The following HGD variants were observed in gnomAD, a reference collection of about 807,000 sequenced individuals.
HGD encodes the protein homogentisate 1,2-dioxygenase.
In HGD, 61 loss-of-function variants were observed where a neutral mutation model predicts 60.8. That is an observed-to-expected ratio of 1.00 (90% confidence interval 0.82 to 1.24). The LOEUF (loss-of-function observed/expected upper bound fraction) is 1.24. Ranked by LOEUF, HGD falls within the 50% of genes most tolerant of loss-of-function variation. The pLI is 0.00. For missense variants in HGD, 542 were observed against 547.1 expected (o/e 0.99, Z 0.09); for synonymous variants, 212 against 187.7 (o/e 1.13, Z -1.06).
intron 5 of HGD, among the ~76,000 whole-genome samples, chr3:120,651,536 C>T (rs867560938): frequency 6.6e-6 from 1 of 152,184 alleles, no homozygotes; most frequent in Non-Finnish European, 1.5e-5. Flanking sequence ...TGTATTTTAA[C>T]TCAATTTGTA....
At chr3:120,647,787 A>T in intron 7 of HGD, 90 bp downstream of exon 7, 2 of 1,031,362 alleles carry the variant, frequency 1.9e-6, no homozygotes, top group Non-Finnish European at 3.1e-6. Context: ...AGATTGGAGA[A>T]TGAAGGAAAA....
chr3:120,652,007 C>T (rs577385552), intron 5 of HGD, among the ~76,000 whole-genome samples: 3 of 152,154 alleles, frequency 2.0e-5, no homozygotes, highest in Admixed American at 6.5e-5. Context: ...ATTAGAGGTG[C>T]CTGTAACTTT....
At chr3:120,669,383 G>A (rs984793454) in intron 4 of HGD, among the ~76,000 whole-genome samples, 12 of 151,408 alleles carry the variant, frequency 7.9e-5, no homozygotes, top group Non-Finnish European at 1.8e-4. Flanking sequence ...TAGTAAGTCC[G>A]AACTACTCCT....
intron 12 of HGD, among the ~76,000 whole-genome samples, chr3:120,637,528 A>G (rs1232275750): frequency 6.6e-6 from 1 of 152,178 alleles, no homozygotes; most frequent in Non-Finnish European, 1.5e-5. Flanking sequence ...TCTTTCCAGA[A>G]TAGAGTTCAT....
chr3:120,630,798 T>TTATATATATATATATATATA lies in HGD; in HGVS notation c.1189-2289_1189-2270dup, dbSNP rs61375071. Among the ~76,000 whole-genome samples, 648 of 87,816 alleles carry TTATATATATATATATATATA rather than the reference T, an allele frequency of 7.4e-3. 6 individuals carry two copies. Among genetic ancestry groups the TTATATATATATATATATATA allele is most frequent in the African/African-American group, 0.014 (231 of 15,986 alleles). The allele number at this position is 87,816 out of a possible 152,430, so 57.6% of individuals were successfully genotyped here. A position where few individuals can be genotyped will look rare whatever the true frequency, so the allele number is the denominator to read the frequency against. ...ATGGATCTAATTAAACTTAAGAGCT[T>TTATATATATATATATATATA]TATATATATATATATATATATATAT... On this transcript the variant is annotated intron_variant, in intron 13 of 13. Transcript: ENST00000283871.
At position 120,647,920 on chromosome 3, in the gene HGD, T is replaced by C; in HGVS notation, c.435-9A>G. ...CTGAATTGTAAAAGCATCTGAAACA[T>C]ATAGAGTAATTCTTGTGATTTTCAG... On this transcript the variant is annotated splice_polypyrimidine_tract_variant and intron_variant, in intron 6 of 13. Coordinates refer to ENST00000283871, the MANE Select transcript of HGD (RefSeq NM_000187.4). 1 of 1,604,506 alleles carries C rather than the reference T, an allele frequency of 6.2e-7. No individual in the cohort carries two copies. The highest frequency in any genetic ancestry group is 1.1e-5 in the South Asian group (1 of 90,906).
intron 4 of HGD, among the ~76,000 whole-genome samples, chr3:120,664,426 C>CTTT (rs71133513): frequency 0.014 from 1,627 of 118,794 alleles, 85 homozygotes; most frequent in Non-Finnish European, 0.02. Flanking sequence ...TTTTTTCTTC[C>CTTT]TTTTTTTTTT....
intron 7 of HGD, among the ~76,000 whole-genome samples, chr3:120,647,467 T>A (rs1489430171): frequency 6.6e-6 from 1 of 152,224 alleles, no homozygotes; most frequent in Non-Finnish European, 1.5e-5. Flanking sequence ...GAACAATCTC[T>A]GATAGACTTT....
intron 13 of HGD, among the ~76,000 whole-genome samples, chr3:120,632,815 G>A (rs1940631305): frequency 6.6e-6 from 1 of 152,188 alleles, no homozygotes; most frequent in Non-Finnish European, 1.5e-5. Context: ...CATCTGCTGG[G>A]TTGGATACTA....
chr3:120,669,638 C>A (rs1483064213), intron 4 of HGD, among the ~76,000 whole-genome samples: 1 of 152,156 alleles, frequency 6.6e-6, no homozygotes, highest in Non-Finnish European at 1.5e-5. Flanking sequence ...AAACTGTGTT[C>A]AAGTAAGTCA....
chr3:120,679,308 T>C (rs1418879019), intron 1 of HGD, among the ~76,000 whole-genome samples: 1 of 152,140 alleles, frequency 6.6e-6, no homozygotes, highest in Non-Finnish European at 1.5e-5. Context: ...TTACTGGGCA[T>C]GAAGGAAAGA....
At chr3:120,639,267 A>G (rs1202290597) in intron 11 of HGD, among the ~76,000 whole-genome samples, 3 of 152,096 alleles carry the variant, frequency 2.0e-5, no homozygotes, top group East Asian at 1.9e-4. Context: ...TGGGTGCTCA[A>G]TGTTTAGCTC....
chr3:120,672,438 C>T (rs150486726), intron 3 of HGD, among the ~76,000 whole-genome samples: 25 of 152,230 alleles, frequency 1.6e-4, no homozygotes, highest in African/African-American at 2.4e-4. Context: ...AGAAGGACAA[C>T]GGAAGACCAG....
chr3:120,655,796 T>C (rs1254030655), intron 4 of HGD, among the ~76,000 whole-genome samples: 1 of 152,212 alleles, frequency 6.6e-6, no homozygotes, highest in Non-Finnish European at 1.5e-5. Context: ...TCTGTTCCCG[T>C]TTTCTCTGTG....
intron 6 of HGD, among the ~76,000 whole-genome samples, chr3:120,648,637 G>A: frequency 6.6e-6 from 1 of 152,208 alleles, no homozygotes; most frequent in East Asian, 1.9e-4. Context: ...GCTGTTAGCT[G>A]AAGCCAAAGT....
At chr3:120,670,324 T>TA (rs991964611) in intron 4 of HGD, 103 bp downstream of exon 4, 1 of 762,530 alleles carries the variant, frequency 1.3e-6, no homozygotes. Context: ...AATAATACTT[T>TA]AAAAAACTAT....
intron 4 of HGD, among the ~76,000 whole-genome samples, chr3:120,664,676 T>C (rs139366703): frequency 0.084 from 12,718 of 152,120 alleles, 725 homozygotes; most frequent in Middle Eastern, 0.16. Flanking sequence ...AGTGAACCTC[T>C]CATCTTGGCC....
intron 11 of HGD, 64 bp downstream of exon 11, chr3:120,641,525 T>G (rs558471468): frequency 2.1e-6 from 2 of 933,222 alleles, no homozygotes; most frequent in African/African-American, 1.6e-5. Flanking sequence ...GTCAGGGGTC[T>G]ACTGTGGACC....
intron 9 of HGD, 161 bp from the exon 10 acceptor site, chr3:120,644,604 G>A: frequency 1.3e-6 from 2 of 1,535,924 alleles, no homozygotes; most frequent in South Asian, 2.4e-5. Flanking sequence ...GTACCTTTTA[G>A]GAAGACCCAA....
Sources: allele counts gnomAD v4.1 joint callset (sites outside exome capture counted in the v4.1 genomes callset), GRCh38; gene constraint gnomAD v4.1.1; transcripts MANE v1.5; gene names NCBI Gene and HGNC (gene_info 2026-07-23, HGNC 2026-07-21).